DCBLD2: variants seen among roughly 807,000 people sequenced by gnomAD.
DCBLD2 encodes discoidin, CUB and LCCL domain containing 2.
Under a neutral mutation model 86.8 loss-of-function variants are expected in DCBLD2, and 54 were observed. The ratio of observed to expected loss-of-function variants is 0.62; its 90% confidence interval spans 0.50 to 0.78. DCBLD2 has a LOEUF of 0.78. Ranked by LOEUF, DCBLD2 falls within the 30% of genes least tolerant of loss-of-function variation. The pLI is 0.00. For missense variants in DCBLD2, 908 were observed against 954.2 expected (o/e 0.95, Z 0.64); for synonymous variants, 354 against 341.3 (o/e 1.04, Z -0.41).
intron 3 of DCBLD2, among the ~76,000 whole-genome samples, chr3:98,838,147 A>ACC (rs554016235): frequency 5.0e-3 from 358 of 71,216 alleles, no homozygotes; most frequent in African/African-American, 0.014. Context: ...CGGGGGGCTG[A>ACC]CCCCCCCCAC....
At chr3:98,887,645 T>C (rs937717164) in intron 1 of DCBLD2, among the ~76,000 whole-genome samples, 6 of 152,016 alleles carry the variant, frequency 3.9e-5, no homozygotes, top group African/African-American at 1.2e-4. Context: ...GTAAAACATA[T>C]ATAACATAAA....
chr3:98,847,163 A>G lies in DCBLD2; in HGVS notation c.571+2298T>C, dbSNP rs2107481347. ...CGTGTATGCATGTGTACAGTGGTAG[A>G]AGGGGGGAAACTAACATTGTATGTG... is the stretch of plus-strand genomic sequence containing the variant. On this transcript the variant is annotated intron_variant, in intron 3 of 15. Transcript: ENST00000326840. 2.0e-5 allele frequency among the ~76,000 whole-genome samples: 3 copies of G among 152,248 alleles called. 1 individual carries two copies. The highest frequency in any genetic ancestry group is 2.0e-4 in the Admixed American group (3 of 15,286).
chr3:98,893,494 T>C (rs1362536279), intron 1 of DCBLD2, among the ~76,000 whole-genome samples: 1 of 152,032 alleles, frequency 6.6e-6, no homozygotes, highest in Non-Finnish European at 1.5e-5. Flanking sequence ...ACAGTTTCAG[T>C]AAAGCAGAAA....
intron 3 of DCBLD2, among the ~76,000 whole-genome samples, chr3:98,828,195 T>C (rs1298746554): frequency 1.3e-5 from 2 of 151,810 alleles, no homozygotes; most frequent in Non-Finnish European, 2.9e-5. Context: ...AGAAAACAAA[T>C]AAAAATAAAT....
At chr3:98,870,806 A>AAAGAAAGAAAGAAAGGAAGAAAGAAAGG (rs1559794673) in intron 2 of DCBLD2, among the ~76,000 whole-genome samples, 5 of 123,300 alleles carry the variant, frequency 4.1e-5, no homozygotes, top group East Asian at 2.3e-4. Context: ...AGAAAGAAAG[A>AAAGAAAGAAAGAAAGGAAGAAAGAAAGG]AAGAAAGGTA....
chr3:98,838,881 C>G (rs1333572458), intron 3 of DCBLD2, among the ~76,000 whole-genome samples: 2 of 151,452 alleles, frequency 1.3e-5, no homozygotes, highest in African/African-American at 4.9e-5. Context: ...CCCGTCTCCA[C>G]CAAAACCAGT....
rs1290471432 is a variant in DCBLD2 at position 98,796,672 on chromosome 3, CT to C, written c.*2699del. Reference sequence around the variant, plus strand: ...CAAAGTGCAAACAGTGAAACATGAACTTAAATAAACTGGACTAGACCCATCA... The same window carrying C: ...CAAAGTGCAAACAGTGAAACATGAACTAAATAAACTGGACTAGACCCATCA... On this transcript the variant is annotated 3_prime_UTR_variant, in exon 16 of 16. Coordinates refer to ENST00000326840, the MANE Select transcript of DCBLD2 (RefSeq NM_080927.4). 3 of 152,622 alleles carry C rather than the reference CT, an allele frequency of 2.0e-5. No individual in the cohort carries two copies. The highest frequency in any genetic ancestry group is 4.4e-5 in the Non-Finnish European group (3 of 68,038). 9.5% of individuals were successfully genotyped at this position (152,622 alleles called of 1,614,324 possible).
intron 3 of DCBLD2, among the ~76,000 whole-genome samples, chr3:98,834,448 TCCC>T (rs1486643831): frequency 6.6e-6 from 1 of 151,578 alleles, no homozygotes; most frequent in Non-Finnish European, 1.5e-5. Context: ...CCTCTCTTCA[TCCC>T]CCCACCTCCT....
At chr3:98,863,620 C>T (rs989192269) in intron 2 of DCBLD2, among the ~76,000 whole-genome samples, 3 of 152,210 alleles carry the variant, frequency 2.0e-5, no homozygotes, top group African/African-American at 2.4e-5. Context: ...GGAAAGGATT[C>T]CCTATTTAAT....
At chr3:98,851,644 G>C (rs1942838842) in intron 2 of DCBLD2, among the ~76,000 whole-genome samples, 1 of 152,152 alleles carries the variant, frequency 6.6e-6, no homozygotes, top group Non-Finnish European at 1.5e-5. Flanking sequence ...TAAGCAAAAA[G>C]AACAAAGCTG....
intron 2 of DCBLD2, among the ~76,000 whole-genome samples, chr3:98,867,837 C>T (rs559265752): frequency 6.6e-6 from 1 of 150,852 alleles, no homozygotes; most frequent in Admixed American, 6.6e-5. Flanking sequence ...GAGTCTCGCT[C>T]TGTCACCCAG....
intron 3 of DCBLD2, among the ~76,000 whole-genome samples, chr3:98,845,728 T>C (rs1016613032): frequency 6.6e-6 from 1 of 152,204 alleles, no homozygotes. Flanking sequence ...TAATGAAGCC[T>C]ACTCTCCCCC....
intron 1 of DCBLD2, 30 bp downstream of exon 1, chr3:98,901,089 TCCC>T: frequency 6.5e-7 from 1 of 1,536,916 alleles, no homozygotes. Flanking sequence ...CGACGGAGGT[TCCC>T]CCGCCGCTCA....
Position 98,812,312 on chromosome 3 carries a change from TA to T in DCBLD2, c.1363+19del. Reference sequence around the variant, plus strand: ...TTGGCAATCCAGTAAAAACATATCTTAAACGAACTGTCTCTTTACCTTTAGG... The same window carrying T: ...TTGGCAATCCAGTAAAAACATATCTTAACGAACTGTCTCTTTACCTTTAGG... On this transcript the variant is annotated intron_variant, in intron 10 of 15. Transcript: ENST00000326840. 2 of 1,611,692 alleles carry T rather than the reference TA, an allele frequency of 1.2e-6. No individual in the cohort carries two copies. The highest frequency in any genetic ancestry group is 4.5e-5 in the East Asian group (2 of 44,762).
intron 2 of DCBLD2, among the ~76,000 whole-genome samples, chr3:98,866,656 T>G (rs912246825): frequency 6.6e-6 from 1 of 152,218 alleles, no homozygotes; most frequent in African/African-American, 2.4e-5. Flanking sequence ...TTCTGTAGGT[T>G]GCCTGTTCAC....
chr3:98,811,676 T>A, intron 10 of DCBLD2, 122 bp from the exon 11 acceptor site: 1 of 932,828 alleles, frequency 1.1e-6, no homozygotes, highest in Non-Finnish European at 1.5e-6. Context: ...ATTTTAACTC[T>A]CAGAGAGAAA....
intron 2 of DCBLD2, among the ~76,000 whole-genome samples, chr3:98,864,097 A>G (rs1020228605): frequency 6.6e-6 from 1 of 152,132 alleles, no homozygotes; most frequent in Non-Finnish European, 1.5e-5. Context: ...AAAGACACAG[A>G]AAAAAATGCT....
rs56736194 is a variant in DCBLD2, at chr3:98,825,643, TTATATATATATATATATATATATATA to T, written c.572-303_572-278del. 1.2e-3 allele frequency among the ~76,000 whole-genome samples: 143 copies of T among 115,102 alleles called. 1 individual carries two copies. The highest frequency in any genetic ancestry group is 2.2e-3 in the Non-Finnish European group (122 of 55,944). 75.5% of individuals were successfully genotyped at this position (115,102 alleles called of 152,430 possible). On this transcript the variant is annotated intron_variant, in intron 3 of 15. Transcript: ENST00000326840. ...TACACACATATATGTATATGTGTAT[TTATATATATATATATATATATATATA>T]TATATATATATTTAGAACATGCATA...
At chr3:98,856,842 G>GA (rs1401627551) in intron 2 of DCBLD2, among the ~76,000 whole-genome samples, 7 of 151,470 alleles carry the variant, frequency 4.6e-5, no homozygotes, top group East Asian at 1.9e-4. Context: ...TTGAAAAGAA[G>GA]AAAAAAAACA....
Sources: gnomAD v4.1 joint callset for allele counts (sites outside exome capture counted in the v4.1 genomes callset) on GRCh38, gnomAD v4.1.1 for gene constraint, MANE v1.5 for transcripts, NCBI Gene and HGNC (gene_info 2026-07-23, HGNC 2026-07-21) for gene names.